Variants in PTPRD observed in about 807,000 individuals in gnomAD.
PTPRD encodes receptor-type tyrosine-protein phosphatase delta.
PTPRD carries 34 observed loss-of-function variants against 214.5 expected under a neutral mutation model. The observed-to-expected ratio is 0.16, with a 90% CI of 0.12 to 0.21. The LOEUF (loss-of-function observed/expected upper bound fraction) is 0.21, where lower values mean the gene tolerates loss of function less well. Ranked by LOEUF, PTPRD falls within the 10% of genes least tolerant of loss-of-function variation. PTPRD has a pLI of 1.00. For missense variants in PTPRD, 2,545 were observed against 2,398.7 expected (o/e 1.06, Z -1.27); for synonymous variants, 1,128 against 845.7 (o/e 1.33, Z -5.79).
intron 3 of PTPRD, among the ~76,000 whole-genome samples, chr9:10,329,559 A>G (rs2096711597): frequency 6.6e-6 from 1 of 151,732 alleles, no homozygotes; most frequent in Non-Finnish European, 1.5e-5. Context: ...TTGGCTTTTG[A>G]TTAGAAACAA....
At chr9:9,584,193 C>T (rs1035643176) in intron 7 of PTPRD, among the ~76,000 whole-genome samples, 1 of 151,948 alleles carries the variant, frequency 6.6e-6, no homozygotes, top group African/African-American at 2.4e-5. Flanking sequence ...GTTTGTTTAT[C>T]TCAGAAATAG....
chr9:9,337,986 AAG>A (rs1393017084), intron 9 of PTPRD, among the ~76,000 whole-genome samples: 2 of 152,198 alleles, frequency 1.3e-5, no homozygotes, highest in Non-Finnish European at 2.9e-5. Flanking sequence ...CACATGCATT[AAG>A]AGGAGATAAC....
intron 12 of PTPRD, among the ~76,000 whole-genome samples, chr9:8,659,831 T>C (rs1452907916): frequency 1.3e-5 from 2 of 152,208 alleles, no homozygotes; most frequent in Non-Finnish European, 2.9e-5. Context: ...CTCTAAATTA[T>C]TAGAATCATT....
At chr9:9,193,141 G>C (rs2099936266) in intron 9 of PTPRD, among the ~76,000 whole-genome samples, 1 of 152,034 alleles carries the variant, frequency 6.6e-6, no homozygotes, top group Non-Finnish European at 1.5e-5. Flanking sequence ...TGAGTGACCA[G>C]CTTGCATTTT....
chr9:9,710,069 C>A (rs1020076513), intron 7 of PTPRD, among the ~76,000 whole-genome samples: 8 of 151,850 alleles, frequency 5.3e-5, no homozygotes, highest in African/African-American at 1.9e-4. Flanking sequence ...TAGAATAGGT[C>A]TCTGCCATTC....
At position 10,157,354 on chromosome 9, in the gene PTPRD, T is replaced by C. The variant is rs191639676; in HGVS notation, c.-544-123564A>G. On this transcript the variant is annotated intron_variant, in intron 3 of 45. Coordinates refer to ENST00000381196, the MANE Select transcript of PTPRD (RefSeq NM_002839.4). Reference sequence around the variant, plus strand: ...TTTACAAATTCCTTCTTCATTTGCTTGTCTAAAAGGGATCTTATTTCTCCT... The same window carrying C: ...TTTACAAATTCCTTCTTCATTTGCTCGTCTAAAAGGGATCTTATTTCTCCT... Among the ~76,000 whole-genome samples the C allele has an allele frequency of 1.9e-3, 283 of 152,316 alleles. 5 individuals are homozygous for C. The highest frequency in any genetic ancestry group is 0.015 in the Admixed American group (231 of 15,290).
At chr9:8,754,175 A>C (rs1308509541) in intron 11 of PTPRD, among the ~76,000 whole-genome samples, 1 of 152,202 alleles carries the variant, frequency 6.6e-6, no homozygotes, top group African/African-American at 2.4e-5. Flanking sequence ...TAACGATGTC[A>C]ATCTTTCCCA....
chr9:9,154,536 C>T (rs1176462455), intron 10 of PTPRD, among the ~76,000 whole-genome samples: 2 of 152,174 alleles, frequency 1.3e-5, no homozygotes, highest in South Asian at 2.1e-4. Flanking sequence ...CAAGGCTCCA[C>T]CATTACGACC....
Position 8,317,727 on chromosome 9 carries a change from TTTTAA to T in PTPRD, c.*142_*146del. ...TCTTGGTCCACCTGGAATAATTTGT[TTTTAA>T]TTTGTTTTGTGTGTAATAGTCCCAC... On this transcript the variant is annotated 3_prime_UTR_variant, in exon 46 of 46. Coordinates refer to ENST00000381196, the MANE Select transcript of PTPRD (RefSeq NM_002839.4). 2 of 599,678 alleles carry T rather than the reference TTTTAA, an allele frequency of 3.3e-6. No homozygotes were observed. Among genetic ancestry groups the T allele is most frequent in the Non-Finnish European group, 6.0e-6 (2 of 334,918 alleles). The allele number at this position is 599,678 out of a possible 1,614,324, so 37.1% of individuals were successfully genotyped here.
At chr9:8,357,215 C>G (rs1012216462) in intron 39 of PTPRD, among the ~76,000 whole-genome samples, 1 of 152,220 alleles carries the variant, frequency 6.6e-6, no homozygotes, top group African/African-American at 2.4e-5. Context: ...CAACTCTTTT[C>G]CTCATTCTCC....
chr9:8,386,219 T>C (rs1344082611), intron 37 of PTPRD, among the ~76,000 whole-genome samples: 3 of 152,192 alleles, frequency 2.0e-5, no homozygotes, highest in Admixed American at 1.3e-4. Context: ...AGAGTTGGTA[T>C]TTGAACTCAG....
At chr9:9,693,094 A>G (rs2097303884) in intron 7 of PTPRD, among the ~76,000 whole-genome samples, 1 of 151,966 alleles carries the variant, frequency 6.6e-6, no homozygotes, top group African/African-American at 2.4e-5. Context: ...TTCCTTTCCA[A>G]TTTGGATGCC....
intron 3 of PTPRD, among the ~76,000 whole-genome samples, chr9:10,199,274 G>T (rs1212854505): frequency 1.3e-5 from 2 of 152,014 alleles, no homozygotes; most frequent in African/African-American, 4.8e-5. Flanking sequence ...TGTATAGTTA[G>T]TTCTTTCTAA....
At chr9:8,465,349 A>G (rs1292305625) in intron 32 of PTPRD, 117 bp downstream of exon 32, 2 of 911,140 alleles carry the variant, frequency 2.2e-6, no homozygotes, top group South Asian at 1.6e-5. Flanking sequence ...ATTACACTTA[A>G]TAACAGTTCA....
At chr9:9,318,317 C>G (rs1208327101) in intron 9 of PTPRD, among the ~76,000 whole-genome samples, 1 of 151,078 alleles carries the variant, frequency 6.6e-6, no homozygotes, top group East Asian at 1.9e-4. Flanking sequence ...AAACCACTTT[C>G]CAATGTGCTA....
intron 3 of PTPRD, among the ~76,000 whole-genome samples, chr9:10,209,964 C>T (rs543817571): frequency 6.6e-6 from 1 of 152,108 alleles, no homozygotes; most frequent in African/African-American, 2.4e-5. Context: ...ACAATCAGTA[C>T]CAAGAATCAA....
At chr9:9,630,246 T>G (rs2095547692) in intron 7 of PTPRD, among the ~76,000 whole-genome samples, 1 of 152,220 alleles carries the variant, frequency 6.6e-6, no homozygotes, top group Non-Finnish European at 1.5e-5. Context: ...TGCCACCATT[T>G]TCATTTAGGT....
chr9:8,412,451 C>T (rs1302290995), intron 35 of PTPRD, among the ~76,000 whole-genome samples: 3 of 151,998 alleles, frequency 2.0e-5, no homozygotes, highest in African/African-American at 7.2e-5. Flanking sequence ...CTTTCTTTTC[C>T]ATGGATAACA....
chr9:9,970,566 G>C (rs1753180016), intron 4 of PTPRD, among the ~76,000 whole-genome samples: 1 of 151,914 alleles, frequency 6.6e-6, no homozygotes, highest in Non-Finnish European at 1.5e-5. Flanking sequence ...AAAAAAAATT[G>C]TCCTCCTCCC....
Sources: allele counts gnomAD v4.1 joint callset (sites outside exome capture counted in the v4.1 genomes callset), GRCh38; gene constraint gnomAD v4.1.1; transcripts MANE v1.5; gene names NCBI Gene and HGNC (gene_info 2026-07-23, HGNC 2026-07-21).